Variants in FAM186A observed in about 807,000 individuals in gnomAD.
FAM186A encodes the protein family with sequence similarity 186 member A, also known as protein FAM186A.
Under a neutral mutation model 216.8 loss-of-function variants are expected in FAM186A, and 163 were observed. That is an observed-to-expected ratio of 0.75 (90% CI 0.66 to 0.86). The LOEUF (loss-of-function observed/expected upper bound fraction) is 0.86, where lower values mean the gene tolerates loss of function less well. Among genes scored for constraint, FAM186A ranks in the 40% least tolerant of loss-of-function variants. The pLI is 0.00. For missense variants in FAM186A, 2,184 were observed against 2,746.2 expected (o/e 0.80, Z 4.58); for synonymous variants, 805 against 1,025.3 (o/e 0.79, Z 4.10).
intron 1 of FAM186A, among the ~76,000 whole-genome samples, chr12:50,394,534 T>C (rs1483851263): frequency 1.3e-5 from 2 of 151,482 alleles, no homozygotes; most frequent in African/African-American, 4.9e-5. Context: ...GCCTGAACAA[T>C]AGCATGATAG....
chr12:50,341,335 A>G (rs1490139889), intron 4 of FAM186A, among the ~76,000 whole-genome samples: 1 of 152,116 alleles, frequency 6.6e-6, no homozygotes, highest in African/African-American at 2.4e-5. Flanking sequence ...TTAATCTTTC[A>G]GTATTTTATT....
chr12:50,345,097 CA>C (rs1421404188), intron 4 of FAM186A, among the ~76,000 whole-genome samples: 1 of 151,938 alleles, frequency 6.6e-6, no homozygotes, highest in Non-Finnish European at 1.5e-5. Flanking sequence ...ACTAAAAATA[CA>C]AAAATTAGCC....
intron 1 of FAM186A, among the ~76,000 whole-genome samples, chr12:50,367,135 T>A (rs1187142704): frequency 6.6e-6 from 1 of 151,942 alleles, no homozygotes; most frequent in Admixed American, 6.6e-5. Flanking sequence ...AGACTGAAAG[T>A]TTTTCCTCCA....
At chr12:50,375,610 G>A (rs530105856) in intron 1 of FAM186A, among the ~76,000 whole-genome samples, 4 of 150,726 alleles carry the variant, frequency 2.7e-5, no homozygotes, top group South Asian at 2.1e-4. Flanking sequence ...TCAGCTAATC[G>A]GGAGGCTGAG....
rs1170074211 is a variant in FAM186A, at chr12:50,354,633, C to G, written c.2199G>C (p.Leu733Phe). ...CCTTTTTTGTATCTTTGTATTTTCTCAAGATTTTAGTCACAGTTTCAGCCA... is the reference window on the plus strand; with the variant it reads ...CCTTTTTTGTATCTTTGTATTTTCTGAAGATTTTAGTCACAGTTTCAGCCA... ...QKVAETVTKILRKYKDTKKEE... is the reference protein window; with the variant it reads ...QKVAETVTKIFRKYKDTKKEE... The change falls in exon 4 of 8, where the codon TTG becomes TTC. Residue 733 changes from leucine (L) to phenylalanine (F), a missense_variant. Leu to Phe is a conservative substitution (Grantham distance 22). This residue lies in a region of FAM186A where 1,132 missense variants were observed against 1,263.4 expected (regional missense o/e 0.90). Transcript: ENST00000327337. 1 of 1,547,086 alleles carries G rather than the reference C, an allele frequency of 6.5e-7. No homozygotes were observed. Among genetic ancestry groups the G allele is most frequent in the East Asian group, 2.4e-5 (1 of 40,908 alleles).
intron 1 of FAM186A, among the ~76,000 whole-genome samples, chr12:50,382,246 C>CA (rs562315357): frequency 0.26 from 15,086 of 56,944 alleles, 1,832 homozygotes; most frequent in African/African-American, 0.45. Context: ...AACTCCAACT[C>CA]AAAAAAAAAA....
At position 50,354,905 on chromosome 12, in the gene FAM186A, G is replaced by C; in HGVS notation, c.1927C>G (p.Leu643Val). ...GAAGTCTCTTTAGCCACTCTTGAGA[G>C]TGATTTAACAAGTTGATGAGACTTG... Reference protein sequence around the residue: ...QVKSHQLVKSLSRVAKETSES... With the variant: ...QVKSHQLVKSVSRVAKETSES... The change falls in exon 4 of 8, where the codon CTC (leucine) becomes GTC (valine). Residue 643 changes from leucine to valine, a missense_variant. Physicochemically the swap from Leu to Val is conservative, Grantham distance 32 (BLOSUM62 1). Around this residue, in one of 7 missense-constraint regions of FAM186A, gnomAD observed 1,132 missense variants for 1,263.4 expected, o/e 0.90. Transcript: ENST00000327337. 6 of 1,550,678 alleles carry C rather than the reference G, an allele frequency of 3.9e-6. No individual in the cohort carries two copies. Among genetic ancestry groups the C allele is most frequent in the Non-Finnish European group, 5.2e-6 (6 of 1,146,876 alleles).
chr12:50,329,834 G>C lies in FAM186A; in HGVS notation c.7034+739C>G, dbSNP rs138530282. ...TGGTCTGAAACTCCTGACCTCAGGC[G>C]ATCCACCCGCCTCGGCCTCCCAAAG... On this transcript the variant is annotated intron_variant, in intron 7 of 7. Coordinates refer to ENST00000327337, the MANE Select transcript of FAM186A (RefSeq NM_001145475.3). Among the ~76,000 whole-genome samples, 1,206 of 152,170 alleles carry C rather than the reference G, an allele frequency of 7.9e-3. 15 individuals are homozygous for C. The highest frequency in any genetic ancestry group is 0.028 in the African/African-American group (1,153 of 41,514).
chr12:50,328,048 A>G (rs1942622397), intron 7 of FAM186A, among the ~76,000 whole-genome samples: 1 of 152,200 alleles, frequency 6.6e-6, no homozygotes, highest in African/African-American at 2.4e-5. Flanking sequence ...TTCAGTGAAC[A>G]TGCATTACTT....
chr12:50,361,949 T>A (rs1267953139), intron 2 of FAM186A, among the ~76,000 whole-genome samples: 3 of 151,666 alleles, frequency 2.0e-5, no homozygotes, highest in Non-Finnish European at 4.4e-5. Context: ...ATTCTTAGTT[T>A]ATTCATTCTT....
At position 50,350,912 on chromosome 12, in the gene FAM186A, G is replaced by A; in HGVS notation, c.5920C>T (p.Pro1974Ser). The A allele has an allele frequency of 6.4e-7, 1 of 1,551,578 alleles. No individual in the cohort carries two copies. The highest frequency in any genetic ancestry group is 8.7e-7 in the Non-Finnish European group (1 of 1,146,962). ...GGAACTTGAGCTACCTTGAAATCTG[G>A]AGCACTAGGATGGATCAATACTGAT... ...SKSVLIHPSA[P>S]DFKVAQVPFT... Residue 1974 changes from proline (P) to serine (S), a missense_variant, in exon 4 of 8, where the codon CCA becomes TCA. Coordinates refer to ENST00000327337, the MANE Select transcript of FAM186A (RefSeq NM_001145475.3).
At chr12:50,369,572 A>C (rs998303145) in intron 1 of FAM186A, among the ~76,000 whole-genome samples, 1 of 152,184 alleles carries the variant, frequency 6.6e-6, no homozygotes, top group Non-Finnish European at 1.5e-5. Flanking sequence ...AAAAATCAAC[A>C]GATTGAAAAG....
chr12:50,331,776 T>G lies in FAM186A; in HGVS notation c.6742A>C (p.Ile2248Leu). 2 of 1,548,968 alleles carry G rather than the reference T, an allele frequency of 1.3e-6. No individual in the cohort carries two copies. Among genetic ancestry groups the G allele is most frequent in the East Asian group, 2.4e-5 (1 of 40,896 alleles). ...GCAGGTATCTGCTTTTCTTCGATGA[T>G]TAAGGGGATAGGTTGACTAAGATTC... Reference protein sequence around the residue: ...ELNLSQPIPLIIEEKQIPAST... With the variant: ...ELNLSQPIPLLIEEKQIPAST... The change falls in exon 6 of 8, where the codon ATC (isoleucine) becomes CTC (leucine). Residue 2248 changes from isoleucine to leucine, a missense_variant. Transcript: ENST00000327337.
Position 50,352,970 on chromosome 12 carries a change from C to T in FAM186A, c.3862G>A (p.Gly1288Arg). Residue 1288 changes from glycine to arginine, a missense_variant, in exon 4 of 8, where the codon GGG becomes AGG. By Grantham distance (125) the Gly-to-Arg change is moderately radical. Coordinates refer to ENST00000327337, the MANE Select transcript of FAM186A (RefSeq NM_001145475.3). ...GCCTGCTGAGGGTTGAGAGGGATCCCCAATTCCTGAGCCTGCTTAGGGGTG... is the reference window on the plus strand; with the variant it reads ...GCCTGCTGAGGGTTGAGAGGGATCCTCAATTCCTGAGCCTGCTTAGGGGTG... ...TLTPKQAQEL[G>R]IPLNPQQAQT... 8 of 1,531,854 alleles carry T rather than the reference C, an allele frequency of 5.2e-6. No individual in the cohort carries two copies. The highest frequency in any genetic ancestry group is 7.0e-6 in the Non-Finnish European group (8 of 1,136,110). The allele number at this position is 1,531,854 out of a possible 1,614,324, so 94.9% of individuals were successfully genotyped here.
In FAM186A at chr12:50,355,776, C is replaced by G; in HGVS notation, c.1056G>C (p.Val352=). The change falls in exon 4 of 8, where the codon GTG becomes GTC. Residue 352 remains valine (V), a synonymous_variant. Transcript: ENST00000327337. ...AKLSTSSTLK[V]LPGPSPQSSR... is the part of the protein sequence containing the mutation. ...ATGACTGTGGAGAAGGTCCAGGTAA[C>G]ACTTTCAAGGTTGATGATGTGGACA... The G allele has an allele frequency of 5.2e-6, 8 of 1,551,674 alleles. No individual in the cohort carries two copies. In the South Asian group the frequency reaches 5.9e-5, roughly 12 times the overall value.
At position 50,351,513 on chromosome 12, in the gene FAM186A, G is replaced by T; in HGVS notation, c.5319C>A (p.Ala1773=). The change falls in exon 4 of 8, where the codon GCC becomes GCA. Residue 1773 remains alanine (A), a synonymous_variant. Coordinates refer to ENST00000327337, the MANE Select transcript of FAM186A (RefSeq NM_001145475.3). ...TCCCCATTTCTAGGGGCTTCCCAGG[G>T]GCAAAGGGGCCTTGGTTGAGGGGAA... ...SRVPLNQGPF[A]PGKPLEMGIL... The T allele has an allele frequency of 6.6e-7, 1 of 1,507,596 alleles. No individual in the cohort carries two copies. Among genetic ancestry groups the T allele is most frequent in the Admixed American group, 2.3e-5 (1 of 43,170 alleles). 93.4% of individuals were successfully genotyped at this position (1,507,596 alleles called of 1,614,324 possible).
At chr12:50,379,426 C>T (rs1223799828) in intron 1 of FAM186A, among the ~76,000 whole-genome samples, 2 of 119,300 alleles carry the variant, frequency 1.7e-5, no homozygotes, top group Non-Finnish European at 3.3e-5. Flanking sequence ...GTCAACAGAG[C>T]GAGACTCCCT....
At chr12:50,374,153 G>A in intron 1 of FAM186A, among the ~76,000 whole-genome samples, 1 of 128,406 alleles carries the variant, frequency 7.8e-6, no homozygotes, top group African/African-American at 2.9e-5. Context: ...GACTGTTGTG[G>A]GGTGGGGGGA....
chr12:50,356,353 TTAAATA>T (rs1942977594), intron 3 of FAM186A, 105 bp from the exon 4 acceptor site: 1 of 827,590 alleles, frequency 1.2e-6, no homozygotes, highest in South Asian at 2.4e-5. Flanking sequence ...CTATAACTAA[TTAAATA>T]TAAGATAAAG....
Sources: gnomAD v4.1 joint callset for allele counts (sites outside exome capture counted in the v4.1 genomes callset) on GRCh38, gnomAD v4.1.1 for gene constraint, gnomAD v4.1.1 regional missense constraint, MANE v1.5 for transcripts, NCBI Gene and HGNC (gene_info 2026-07-23, HGNC 2026-07-21) for gene names.